NXPH1: variants seen among roughly 807,000 people sequenced by gnomAD.
NXPH1 encodes neurexophilin 1.
Under a neutral mutation model 23.7 loss-of-function variants are expected in NXPH1, and 5 were observed. The ratio of observed to expected loss-of-function variants is 0.21; its 90% CI spans 0.11 to 0.44. The LOEUF is 0.44. Ranked by LOEUF, NXPH1 falls within the 20% of genes least tolerant of loss-of-function variation. The probability of loss-of-function intolerance (pLI) is 0.99; values close to 1 mark genes in which losing one functional copy is unlikely to be tolerated. For synonymous variants in NXPH1, 144 were observed against 122.2 expected (o/e 1.18, Z -1.18); for missense variants, 324 against 321.6 (o/e 1.01, Z -0.06).
chr7:8,501,431 A>T (rs6463816), intron 2 of NXPH1, among the ~76,000 whole-genome samples: 79,867 of 151,844 alleles, frequency 0.53, 21,403 homozygotes, highest in Non-Finnish European at 0.58. Context: ...GCCTTTAAAA[A>T]TGTGGATTCC....
At chr7:8,536,549 G>A (rs1390060384) in intron 2 of NXPH1, among the ~76,000 whole-genome samples, 2 of 151,928 alleles carry the variant, frequency 1.3e-5, no homozygotes, top group African/African-American at 4.8e-5. Context: ...TTTGGGGAAA[G>A]TGCTTAATAA....
intron 2 of NXPH1, among the ~76,000 whole-genome samples, chr7:8,505,094 A>AT (rs896382400): frequency 2.6e-5 from 4 of 151,842 alleles, no homozygotes. Context: ...TTTAAATTCA[A>AT]TTTTTTGTCA....
At chr7:8,634,796 T>G (rs371324537) in intron 2 of NXPH1, among the ~76,000 whole-genome samples, 4 of 150,334 alleles carry the variant, frequency 2.7e-5, no homozygotes, top group African/African-American at 4.9e-5. Context: ...TAGGAAAGCA[T>G]GCAGATGTAA....
At chr7:8,596,263 G>C (rs1469515250) in intron 2 of NXPH1, among the ~76,000 whole-genome samples, 1 of 152,058 alleles carries the variant, frequency 6.6e-6, no homozygotes, top group East Asian at 1.9e-4. Context: ...GGAAAATTCT[G>C]TTCAGGAACA....
At chr7:8,465,935 CA>C (rs1563318482) in intron 2 of NXPH1, among the ~76,000 whole-genome samples, 4 of 152,136 alleles carry the variant, frequency 2.6e-5, no homozygotes, top group African/African-American at 9.7e-5. Context: ...CCATGTACTG[CA>C]AAGTCTCTAA....
At chr7:8,521,218 C>T (rs1293354260) in intron 2 of NXPH1, among the ~76,000 whole-genome samples, 1 of 152,146 alleles carries the variant, frequency 6.6e-6, no homozygotes, top group Non-Finnish European at 1.5e-5. Flanking sequence ...AGAGCCACTA[C>T]CAAACAATCA....
intron 2 of NXPH1, among the ~76,000 whole-genome samples, chr7:8,709,144 T>C (rs1024657327): frequency 6.6e-6 from 1 of 152,378 alleles, no homozygotes; most frequent in Admixed American, 6.5e-5. Flanking sequence ...GTATTTGTTA[T>C]TGTTTTCAAT....
intron 2 of NXPH1, among the ~76,000 whole-genome samples, chr7:8,443,753 G>T (rs972781756): frequency 3.9e-5 from 6 of 152,220 alleles, no homozygotes; most frequent in Non-Finnish European, 8.8e-5. Context: ...CCGTGGTTAG[G>T]CTCGCCAGCG....
intron 2 of NXPH1, among the ~76,000 whole-genome samples, chr7:8,657,713 A>G (rs1027660416): frequency 1.3e-5 from 2 of 152,252 alleles, no homozygotes; most frequent in African/African-American, 4.8e-5. Context: ...TGGCACCAAC[A>G]AAATCAATTG....
At chr7:8,589,212 G>A (rs904885437) in intron 2 of NXPH1, among the ~76,000 whole-genome samples, 1 of 152,108 alleles carries the variant, frequency 6.6e-6, no homozygotes, top group South Asian at 2.1e-4. Flanking sequence ...TAATCTTAAA[G>A]TATAAGATGA....
chr7:8,543,670 G>A (rs535521921), intron 2 of NXPH1, among the ~76,000 whole-genome samples: 11 of 151,682 alleles, frequency 7.3e-5, no homozygotes, highest in African/African-American at 1.9e-4. Flanking sequence ...TAGTTCACAC[G>A]TAGATGCACA....
intron 2 of NXPH1, among the ~76,000 whole-genome samples, chr7:8,749,307 CAG>C (rs1186569989): frequency 2.0e-5 from 3 of 152,152 alleles, no homozygotes; most frequent in African/African-American, 7.2e-5. Flanking sequence ...ATTCAGGAAA[CAG>C]AGGCAGAGGG....
chr7:8,551,825 T>C (rs565646900), intron 2 of NXPH1, among the ~76,000 whole-genome samples: 12 of 151,560 alleles, frequency 7.9e-5, no homozygotes, highest in African/African-American at 2.9e-4. Flanking sequence ...TCAAATATTT[T>C]TTCTCCATGT....
intron 2 of NXPH1, among the ~76,000 whole-genome samples, chr7:8,529,494 G>T (rs933583681): frequency 6.6e-6 from 1 of 152,188 alleles, no homozygotes; most frequent in African/African-American, 2.4e-5. Context: ...GTTCACACCT[G>T]CCAAGATCTA....
intron 2 of NXPH1, among the ~76,000 whole-genome samples, chr7:8,674,123 A>G (rs1820912178): frequency 6.6e-6 from 1 of 151,664 alleles, no homozygotes; most frequent in Admixed American, 6.6e-5. Context: ...TTTGTAAGGT[A>G]CATTTTTAAT....
At chr7:8,597,266 C>T (rs1819246474) in intron 2 of NXPH1, among the ~76,000 whole-genome samples, 1 of 152,000 alleles carries the variant, frequency 6.6e-6, no homozygotes, top group Admixed American at 6.6e-5. Flanking sequence ...ATGTTTTGGC[C>T]ATTAAAGGGT....
At chr7:8,689,318 GAA>G (rs56942123) in intron 2 of NXPH1, among the ~76,000 whole-genome samples, 55,760 of 148,062 alleles carry the variant, frequency 0.38, 10,909 homozygotes, top group East Asian at 0.79. Context: ...CAGATGAAGT[GAA>G]AAAAAAAAAA....
At chr7:8,627,459 T>A (rs1425527179) in intron 2 of NXPH1, among the ~76,000 whole-genome samples, 1 of 152,144 alleles carries the variant, frequency 6.6e-6, no homozygotes, top group Non-Finnish European at 1.5e-5. Context: ...AAGCCTTCAA[T>A]ATTCTAAGTT....
At position 8,511,486 on chromosome 7, in the gene NXPH1, G is replaced by C. The variant is rs112501124; in HGVS notation, c.54+75719G>C. 2.9e-3 allele frequency among the ~76,000 whole-genome samples: 440 copies of C among 152,196 alleles called. 2 individuals are homozygous for C. The highest frequency in any genetic ancestry group is 1.0e-2 in the African/African-American group (415 of 41,552). On this transcript the variant is annotated intron_variant, in intron 2 of 2. Coordinates refer to ENST00000405863, the MANE Select transcript of NXPH1 (RefSeq NM_152745.3). ...GCTCCCTCTCTCAGATGTGAGGCTG[G>C]TGTGTACAGTATAGACTGACCCTCA...
Sources: gnomAD v4.1 joint callset for allele counts (sites outside exome capture counted in the v4.1 genomes callset) on GRCh38, gnomAD v4.1.1 for gene constraint, MANE v1.5 for transcripts, NCBI Gene and HGNC (gene_info 2026-07-23, HGNC 2026-07-21) for gene names.